ARHGAP26: variants seen among roughly 807,000 people sequenced by gnomAD.
ARHGAP26 encodes the protein Rho GTPase activating protein 26, also known as rho GTPase-activating protein 26.
ARHGAP26 carries 38 observed loss-of-function variants against 104.8 expected under a neutral mutation model. The observed-to-expected ratio is 0.36, with a 90% confidence interval of 0.28 to 0.48. The LOEUF (loss-of-function observed/expected upper bound fraction) is 0.48. Among genes scored for constraint, ARHGAP26 ranks in the 20% least tolerant of loss-of-function variants. The probability of loss-of-function intolerance (pLI) is 0.99; values close to 1 mark genes in which losing one functional copy is unlikely to be tolerated. For synonymous variants in ARHGAP26, 341 were observed against 340.0 expected (o/e 1.00, Z -0.03); for missense variants, 704 against 947.9 (o/e 0.74, Z 3.38).
At chr5:142,900,380 A>G (rs1760137870) in intron 6 of ARHGAP26, among the ~76,000 whole-genome samples, 1 of 152,302 alleles carries the variant, frequency 6.6e-6, no homozygotes, top group South Asian at 2.1e-4. Context: ...TTATAGCCAG[A>G]GGACCCAGCA....
At chr5:142,867,288 G>GGTGTGTGTGT (rs70991782) in intron 1 of ARHGAP26, among the ~76,000 whole-genome samples, 1,461 of 143,662 alleles carry the variant, frequency 0.01, 18 homozygotes, top group African/African-American at 0.028. Flanking sequence ...ATTTGCACAG[G>GGTGTGTGTGT]GTGTGTGTGT....
intron 20 of ARHGAP26, among the ~76,000 whole-genome samples, chr5:143,162,284 TACACACACACACAC>T (rs34577770): frequency 0.22 from 33,029 of 147,400 alleles, 4,457 homozygotes; most frequent in East Asian, 0.41. Flanking sequence ...AACACACACA[TACACACACACACAC>T]ACACACACAC....
chr5:142,981,865 A>G (rs1444776397), intron 11 of ARHGAP26, among the ~76,000 whole-genome samples: 1 of 152,012 alleles, frequency 6.6e-6, no homozygotes, highest in Admixed American at 6.6e-5. Flanking sequence ...TAAACCTCAA[A>G]AGTTCCCGAC....
intron 1 of ARHGAP26, among the ~76,000 whole-genome samples, chr5:142,828,084 A>G (rs1484866709): frequency 6.6e-6 from 1 of 152,108 alleles, no homozygotes; most frequent in Non-Finnish European, 1.5e-5. Context: ...TTGCTTTGTG[A>G]GTTTCCCTGG....
intron 22 of ARHGAP26, 30 bp downstream of exon 22, chr5:143,214,118 G>A: frequency 2.9e-6 from 1 of 339,270 alleles, no homozygotes; most frequent in South Asian, 2.3e-5. Context: ...ACAAAGATAT[G>A]GGCGGGGGGC....
intron 1 of ARHGAP26, among the ~76,000 whole-genome samples, chr5:142,834,833 G>A (rs1044104121): frequency 3.3e-5 from 5 of 152,246 alleles, no homozygotes; most frequent in Admixed American, 6.5e-5. Context: ...CTCCAACTCT[G>A]AATGGGAGGA....
At chr5:142,955,935 G>A (rs1475488023) in intron 11 of ARHGAP26, among the ~76,000 whole-genome samples, 1 of 152,190 alleles carries the variant, frequency 6.6e-6, no homozygotes, top group Non-Finnish European at 1.5e-5. Flanking sequence ...CTTGGCTGCA[G>A]CAGTGAGTGG....
intron 11 of ARHGAP26, among the ~76,000 whole-genome samples, chr5:143,005,939 A>G (rs1437289358): frequency 6.6e-6 from 1 of 152,118 alleles, no homozygotes; most frequent in Non-Finnish European, 1.5e-5. Context: ...ACTCGGCACC[A>G]ACAGGTACAG....
chr5:142,931,926 C>A, intron 10 of ARHGAP26, 121 bp from the exon 11 acceptor site: 1 of 913,466 alleles, frequency 1.1e-6, no homozygotes, highest in Non-Finnish European at 1.8e-6. Context: ...TGTTTTGCCC[C>A]TCTTTGTGTT....
chr5:143,040,570 T>G (rs1003585407), intron 13 of ARHGAP26, among the ~76,000 whole-genome samples: 1 of 150,372 alleles, frequency 6.7e-6, no homozygotes, highest in Non-Finnish European at 1.5e-5. Context: ...AAAAAACAAG[T>G]AAATAATCAA....
chr5:143,118,579 T>C (rs1258624172), intron 17 of ARHGAP26, among the ~76,000 whole-genome samples: 1 of 152,196 alleles, frequency 6.6e-6, no homozygotes, highest in Non-Finnish European at 1.5e-5. Flanking sequence ...AAGACCAGCC[T>C]AGGCAACATA....
At chr5:142,796,318 CTCTG>C (rs1760985879) in intron 1 of ARHGAP26, among the ~76,000 whole-genome samples, 1 of 152,144 alleles carries the variant, frequency 6.6e-6, no homozygotes, top group Non-Finnish European at 1.5e-5. Context: ...CACAAATTGC[CTCTG>C]TCTTTGAGCA....
intron 20 of ARHGAP26, among the ~76,000 whole-genome samples, chr5:143,181,391 G>C (rs1804339096): frequency 6.6e-6 from 1 of 152,200 alleles, no homozygotes; most frequent in Non-Finnish European, 1.5e-5. Context: ...GGAACACTGT[G>C]TTCTTAAACA....
At chr5:143,218,636 C>T (rs537581078) in intron 22 of ARHGAP26, among the ~76,000 whole-genome samples, 1 of 152,158 alleles carries the variant, frequency 6.6e-6, no homozygotes, top group Non-Finnish European at 1.5e-5. Context: ...TGGCAGGAAG[C>T]TCACCCATGT....
At chr5:142,904,615 G>C (rs1396275496) in intron 8 of ARHGAP26, among the ~76,000 whole-genome samples, 2 of 152,162 alleles carry the variant, frequency 1.3e-5, no homozygotes, top group African/African-American at 2.4e-5. Flanking sequence ...ACATTTTAGT[G>C]ATGACTCACA....
At chr5:142,882,270 G>C (rs1757105626) in intron 4 of ARHGAP26, among the ~76,000 whole-genome samples, 1 of 152,196 alleles carries the variant, frequency 6.6e-6, no homozygotes. Context: ...GCCTCGTAGA[G>C]TTATTATGAA....
chr5:143,007,704 G>A (rs1264288601), intron 11 of ARHGAP26, among the ~76,000 whole-genome samples: 1 of 152,212 alleles, frequency 6.6e-6, no homozygotes, highest in Non-Finnish European at 1.5e-5. Flanking sequence ...AGAGGCAGGT[G>A]TAGTACCCCA....
intron 17 of ARHGAP26, among the ~76,000 whole-genome samples, chr5:143,108,775 A>G (rs1003037614): frequency 6.6e-6 from 1 of 152,200 alleles, no homozygotes; most frequent in Non-Finnish European, 1.5e-5. Context: ...TCTCTGTAAC[A>G]TTTCCCATGA....
rs142719570 is a variant in ARHGAP26 at position 143,134,053 on chromosome 5, C to T, written c.1785C>T (p.Ser595=). Residue 595 remains serine (S), a synonymous_variant, in exon 19 of 23, where the codon TCC becomes TCT. Coordinates refer to ENST00000645722, the MANE Select transcript of ARHGAP26 (RefSeq NM_001135608.3). ...AGAGCAGTGACTCCAAGCCCCCGTC[C>T]TGCAGCGAGAGGCCCCTGACGCTCT... ...RKKSSDSKPP[S]CSERPLTLFH... 3 of 1,612,972 alleles carry T rather than the reference C, an allele frequency of 1.9e-6. No homozygotes were observed. The highest frequency in any genetic ancestry group is 2.2e-5 in the South Asian group (2 of 90,788).
Sources: gnomAD v4.1 joint callset for allele counts (sites outside exome capture counted in the v4.1 genomes callset) on GRCh38, gnomAD v4.1.1 for gene constraint, MANE v1.5 for transcripts, NCBI Gene and HGNC (gene_info 2026-07-23, HGNC 2026-07-21) for gene names.